The following MSRA variants were observed in gnomAD, a reference collection of about 807,000 sequenced individuals.
MSRA encodes methionine sulfoxide reductase A.
Under a neutral mutation model 31.3 loss-of-function variants are expected in MSRA, and 54 were observed. The ratio of observed to expected loss-of-function variants is 1.73; its 90% CI spans 1.39 to 2.17. MSRA has a LOEUF of 2.17. Ranked by LOEUF, MSRA falls within the 30% of genes most tolerant of loss-of-function variation. The pLI is 0.00. For missense variants in MSRA, 507 were observed against 300.9 expected, an observed-to-expected ratio of 1.69 and a Z score of -5.07; for synonymous variants, 169 against 116.5, an observed-to-expected ratio of 1.45 and a Z score of -2.90.
chr8:10,303,956 G>T (rs944427453), intron 4 of MSRA, among the ~76,000 whole-genome samples: 1 of 151,862 alleles, frequency 6.6e-6, no homozygotes, highest in African/African-American at 2.4e-5. Flanking sequence ...ATTTTTTTGA[G>T]ACTGAGTCTT....
intron 5 of MSRA, among the ~76,000 whole-genome samples, chr8:10,377,788 G>A (rs1278271813): frequency 2.0e-5 from 3 of 152,186 alleles, no homozygotes; most frequent in Non-Finnish European, 4.4e-5. Context: ...TTCAGAGGAG[G>A]GTTGTGAACA....
chr8:10,197,458 T>TG (rs1808089867), intron 1 of MSRA, among the ~76,000 whole-genome samples: 1 of 152,152 alleles, frequency 6.6e-6, no homozygotes, highest in Non-Finnish European at 1.5e-5. Context: ...AGGCATGTGT[T>TG]GACGTGTCTG....
chr8:10,181,443 TAAA>T (rs537865249), intron 1 of MSRA, among the ~76,000 whole-genome samples: 7 of 131,730 alleles, frequency 5.3e-5, no homozygotes, highest in Non-Finnish European at 1.7e-5. Flanking sequence ...ATAATAAAAT[TAAA>T]AAAAAAAAAA....
At chr8:10,261,374 A>G (rs1798473447) in intron 3 of MSRA, among the ~76,000 whole-genome samples, 2 of 140,312 alleles carry the variant, frequency 1.4e-5, no homozygotes, top group Non-Finnish European at 3.1e-5. Context: ...CATGAAGGGT[A>G]TATAATCTGT....
At chr8:10,112,785 GTTTTTC>G (rs57528082) in intron 1 of MSRA, among the ~76,000 whole-genome samples, 8,409 of 152,152 alleles carry the variant, frequency 0.055, 757 homozygotes, top group African/African-American at 0.19. Context: ...GGTTGGAGAA[GTTTTTC>G]TCTTTCTCAA....
chr8:10,428,673 G>A lies in MSRA; in HGVS notation c.*361G>A, dbSNP rs571121268. ...AGTCCTTTATCTGTGCTCTCTGCCCGCCAGTGCCTTACAATTTGCAAACGT... is the reference window on the plus strand; with the variant it reads ...AGTCCTTTATCTGTGCTCTCTGCCCACCAGTGCCTTACAATTTGCAAACGT... On this transcript the variant is annotated 3_prime_UTR_variant, in exon 6 of 6. Transcript: ENST00000317173. The A allele has an allele frequency of 5.8e-5, 15 of 257,560 alleles. No homozygotes were observed. Among genetic ancestry groups the A allele is most frequent in the Admixed American group, 2.2e-4 (4 of 17,954 alleles). The allele number at this position is 257,560 out of a possible 1,614,324, so 16.0% of individuals were successfully genotyped here.
In MSRA at chr8:10,375,078, C is replaced by T. The variant is rs1437812062; in HGVS notation, c.544-53070C>T. ...GCTATGCTTGTGCAGCCTGCAGAACCGTGAGCCAAAAAACCTATTTTCTTT... is the reference window on the plus strand; with the variant it reads ...GCTATGCTTGTGCAGCCTGCAGAACTGTGAGCCAAAAAACCTATTTTCTTT... On this transcript the variant is annotated intron_variant, in intron 5 of 5. Coordinates refer to ENST00000317173, the MANE Select transcript of MSRA (RefSeq NM_012331.5). Among the ~76,000 whole-genome samples the T allele has an allele frequency of 5.3e-5, 8 of 152,272 alleles. No homozygotes were observed. In the South Asian group the frequency reaches 1.0e-3, roughly 20 times the overall value.
intron 5 of MSRA, among the ~76,000 whole-genome samples, chr8:10,361,554 A>G (rs1039008145): frequency 6.6e-6 from 1 of 152,138 alleles, no homozygotes; most frequent in African/African-American, 2.4e-5. Context: ...GCATTTTACC[A>G]GGATTCTTGA....
intron 5 of MSRA, among the ~76,000 whole-genome samples, chr8:10,388,860 GACCC>G (rs1166063646): frequency 7.9e-5 from 12 of 151,256 alleles, no homozygotes; most frequent in Non-Finnish European, 1.6e-4. Context: ...CTTCCCCTGC[GACCC>G]ACCCCTGCCA....
At chr8:10,217,232 T>G (rs1021353525) in intron 2 of MSRA, among the ~76,000 whole-genome samples, 2 of 152,210 alleles carry the variant, frequency 1.3e-5, no homozygotes, top group African/African-American at 2.4e-5. Flanking sequence ...GAGGACACTA[T>G]ATGTACTACA....
rs536925145 is a variant in MSRA at position 10,384,026 on chromosome 8, C to T, written c.544-44122C>T. ...CAGAGCTGAGAGTCACCCCGAAATC[C>T]GTGACTCTGGAGCCCCCTTGCTCTG... On this transcript the variant is annotated intron_variant, in intron 5 of 5. Transcript: ENST00000317173. Among the ~76,000 whole-genome samples the T allele has an allele frequency of 3.1e-3, 477 of 152,240 alleles. 1 individual carries two copies. Among genetic ancestry groups the T allele is most frequent in the Non-Finnish European group, 4.0e-3 (274 of 68,026 alleles).
At chr8:10,188,086 A>T (rs1271481526) in intron 1 of MSRA, among the ~76,000 whole-genome samples, 1 of 152,252 alleles carries the variant, frequency 6.6e-6, no homozygotes, top group Non-Finnish European at 1.5e-5. Flanking sequence ...ATAGTTGAAG[A>T]CTGAAGAGAA....
intron 3 of MSRA, among the ~76,000 whole-genome samples, chr8:10,258,153 C>T (rs1236936788): frequency 6.6e-6 from 1 of 152,214 alleles, no homozygotes; most frequent in Non-Finnish European, 1.5e-5. Context: ...GGCAGATTAT[C>T]TGACTTGTGT....
rs921376107 is a variant in MSRA, at chr8:10,276,446, C to T, written c.332-25088C>T. 5.9e-5 allele frequency among the ~76,000 whole-genome samples: 9 copies of T among 152,312 alleles called. No individual in the cohort carries two copies. The South Asian group carries it at 6.2e-4, about 11-fold the overall frequency. ...TGTTTCTGTAAGGACCTGACAATTCCGGCCTCACAATGCAGCTTAAATTGG... is the reference window on the plus strand; with the variant it reads ...TGTTTCTGTAAGGACCTGACAATTCTGGCCTCACAATGCAGCTTAAATTGG... On this transcript the variant is annotated intron_variant, in intron 3 of 5. Coordinates refer to ENST00000317173, the MANE Select transcript of MSRA (RefSeq NM_012331.5).
intron 1 of MSRA, among the ~76,000 whole-genome samples, chr8:10,056,246 T>A (rs1802364259): frequency 6.6e-6 from 1 of 151,112 alleles, no homozygotes; most frequent in Non-Finnish European, 1.5e-5. Flanking sequence ...AAAACTCTTG[T>A]TCAGATTTCC....
At chr8:10,078,067 T>C (rs1798083813) in intron 1 of MSRA, among the ~76,000 whole-genome samples, 1 of 152,216 alleles carries the variant, frequency 6.6e-6, no homozygotes, top group African/African-American at 2.4e-5. Context: ...ACACAAAAAA[T>C]AAAAGTTTAA....
chr8:10,362,117 G>C (rs777287284), intron 5 of MSRA, among the ~76,000 whole-genome samples: 2 of 152,092 alleles, frequency 1.3e-5, no homozygotes, highest in Admixed American at 1.3e-4. Context: ...TGGCAAGTTC[G>C]TTGGCTTGTC....
intron 1 of MSRA, among the ~76,000 whole-genome samples, chr8:10,183,787 G>T (rs1377816565): frequency 6.6e-6 from 1 of 150,642 alleles, no homozygotes. Context: ...GGTGGTGGTG[G>T]TGGTGGTGGT....
At chr8:10,365,062 A>G (rs907683891) in intron 5 of MSRA, among the ~76,000 whole-genome samples, 1 of 151,796 alleles carries the variant, frequency 6.6e-6, no homozygotes, top group Non-Finnish European at 1.5e-5. Context: ...AGCTTTGCCA[A>G]ACAGACAGAT....
Sources: gnomAD v4.1 joint callset for allele counts (sites outside exome capture counted in the v4.1 genomes callset) on GRCh38, gnomAD v4.1.1 for gene constraint, MANE v1.5 for transcripts, NCBI Gene and HGNC (gene_info 2026-07-23, HGNC 2026-07-21) for gene names.